CMC2: variants seen among roughly 807,000 people sequenced by gnomAD.
CMC2 encodes the protein COX assembly mitochondrial protein 2 homolog.
A neutral mutation model predicts 7.5 loss-of-function variants in CMC2; 5 were observed. That is an observed-to-expected ratio of 0.66 (90% CI 0.35 to 1.40). The LOEUF (loss-of-function observed/expected upper bound fraction) is 1.40. CMC2 is among the 40% of genes most tolerant of loss of function. The pLI is 0.04. For missense variants in CMC2, 115 were observed against 92.3 expected (o/e 1.25, Z -1.01); for synonymous variants, 37 against 31.4 (o/e 1.18, Z -0.60).
rs1180753097 is a variant in CMC2 at position 80,967,770 on chromosome 16, T to C, written c.*8323A>G. On this transcript the variant is annotated 3_prime_UTR_variant, in exon 4 of 4. Coordinates refer to ENST00000219400, the MANE Select transcript of CMC2 (RefSeq NM_020188.5). ...AAATAGCCAGGTCTAAATTTCTGTA[T>C]GCAGAATTGCAGAATGCTTTACTTT... is the stretch of plus-strand genomic sequence containing the variant. 2.0e-5 allele frequency: 3 copies of C among 152,360 alleles called. No homozygotes were observed. The highest frequency in any genetic ancestry group is 1.9e-4 in the East Asian group (1 of 5,190). The allele number at this position is 152,360 out of a possible 1,614,324, so 9.4% of individuals were successfully genotyped here.
At chr16:80,978,280 T>C (rs1228925066) in intron 3 of CMC2, 35 of 1,165,532 alleles carry the variant, frequency 3.0e-5, no homozygotes, top group Non-Finnish European at 3.8e-5. Context: ...AGCAATCAGG[T>C]TGAGAAGGGT....
At chr16:80,978,072 C>CAAAAAAAAAAA (rs57080796) in intron 3 of CMC2, among the ~76,000 whole-genome samples, 4 of 145,392 alleles carry the variant, frequency 2.8e-5, no homozygotes, top group East Asian at 2.1e-4. Flanking sequence ...GACTTCGTCT[C>CAAAAAAAAAAA]AAAAAAAAAG....
rs1567498813 is a variant in CMC2, at chr16:80,971,577, T to TATATAC, written c.*4515_*4516insGTATAT. On this transcript the variant is annotated 3_prime_UTR_variant, in exon 4 of 4. Transcript: ENST00000219400. Reference sequence around the variant, plus strand: ...CATACATACATTTTATATATATATATATATATATGTATGAAATCATGCATA... The same window carrying TATATAC: ...CATACATACATTTTATATATATATATATATACATATATATGTATGAAATCATGCATA... The TATATAC allele has an allele frequency of 1.4e-5, 2 of 140,502 alleles. No homozygotes were observed. Among genetic ancestry groups the TATATAC allele is most frequent in the African/African-American group, 5.6e-5 (2 of 35,662 alleles). 8.7% of individuals were successfully genotyped at this position (140,502 alleles called of 1,614,324 possible).
chr16:80,976,131 T>G lies in CMC2; in HGVS notation c.202A>C (p.Lys68Gln), dbSNP rs1418925050. The G allele has an allele frequency of 1.9e-6, 3 of 1,610,618 alleles. No individual in the cohort carries two copies. The highest frequency in any genetic ancestry group is 1.7e-6 in the Non-Finnish European group (2 of 1,177,142). ...KSREHGIAMR[K>Q]KLFNPPEESE... is the part of the protein sequence containing the mutation. ...TCCTCTGGAGGATTAAAAAGTTTCTTTCGCATTGCAATGCCATGCTCCCTG... is the reference window on the plus strand; with the variant it reads ...TCCTCTGGAGGATTAAAAAGTTTCTGTCGCATTGCAATGCCATGCTCCCTG... The change falls in exon 4 of 4, where the codon AAG (lysine) becomes CAG (glutamine). Residue 68 changes from lysine to glutamine, a missense_variant. By Grantham distance (53) the Lys-to-Gln change is moderately conservative. Transcript: ENST00000219400.
rs868475781 is a variant in CMC2, at chr16:80,977,402, T to G, written c.154-1223A>C. ...AATACATACACCAATCCAACACACT[T>G]TAAAGGTGGATGAGTGTGTTTTCCC... On this transcript the variant is annotated intron_variant, in intron 3 of 3. Coordinates refer to ENST00000219400, the MANE Select transcript of CMC2 (RefSeq NM_020188.5). 9.2e-5 allele frequency among the ~76,000 whole-genome samples: 14 copies of G among 152,204 alleles called. No homozygotes were observed. The South Asian group carries it at 2.5e-3, about 27-fold the overall frequency.
At chr16:80,998,499 C>A (rs1968605490) in intron 1 of CMC2, 1 of 152,122 alleles carries the variant, frequency 6.6e-6, no homozygotes, top group East Asian at 1.9e-4. Context: ...ATGAAATTAC[C>A]ATATGATCCA....
intron 3 of CMC2, chr16:80,980,980 G>A (rs866183923): frequency 2.2e-6 from 1 of 457,450 alleles, no homozygotes. Context: ...ACAATTTAAA[G>A]GGAATCCAGG....
Position 80,968,190 on chromosome 16 carries a change from TCA to T in CMC2, c.*7901_*7902del, listed in dbSNP as rs1248025628. 3 of 152,108 alleles carry T rather than the reference TCA, an allele frequency of 2.0e-5. No homozygotes were observed. The highest frequency in any genetic ancestry group is 7.2e-5 in the African/African-American group (3 of 41,408). 9.4% of individuals were successfully genotyped at this position (152,108 alleles called of 1,614,324 possible). A position where few individuals can be genotyped will look rare whatever the true frequency, so the allele number is the denominator to read the frequency against. Reference sequence around the variant, plus strand: ...GGGGATTTCATTAAAATGCAGATTCTCAGTTAGTAGGTCAGGGTGGGGTCTAA... The same window carrying T: ...GGGGATTTCATTAAAATGCAGATTCTGTTAGTAGGTCAGGGTGGGGTCTAA... On this transcript the variant is annotated 3_prime_UTR_variant, in exon 4 of 4. Transcript: ENST00000219400.
Position 80,975,465 on chromosome 16 carries a change from C to G in CMC2, c.*628G>C, listed in dbSNP as rs1333526640. 6.6e-6 allele frequency: 1 copy of G among 152,116 alleles called. No individual in the cohort carries two copies. The highest frequency in any genetic ancestry group is 1.5e-5 in the Non-Finnish European group (1 of 68,060). The allele number at this position is 152,116 out of a possible 1,614,324, so 9.4% of individuals were successfully genotyped here. On this transcript the variant is annotated 3_prime_UTR_variant, in exon 4 of 4. Transcript: ENST00000219400. ...TCTGTCTCTACCAAAAATACAAAAA[C>G]CAGCCAGGCATGGTAGCCTGCGCCT...
intron 1 of CMC2, among the ~76,000 whole-genome samples, chr16:81,005,648 AT>A (rs1159534437): frequency 2.0e-5 from 3 of 152,038 alleles, no homozygotes; most frequent in African/African-American, 7.2e-5. Flanking sequence ...TGTAGACCCC[AT>A]GCCAGGCTGC....
rs1179497981 is a variant in CMC2, at chr16:80,974,440, G to A, written c.*1653C>T. On this transcript the variant is annotated 3_prime_UTR_variant, in exon 4 of 4. Coordinates refer to ENST00000219400, the MANE Select transcript of CMC2 (RefSeq NM_020188.5). The stretch of plus-strand genomic sequence containing the variant: ...ATCACCATATTAAAACCTGCAACTG[G>A]TCATCACAGCACTGAAAATAAAATT... 6.6e-6 allele frequency: 1 copy of A among 152,066 alleles called. No homozygotes were observed. The highest frequency in any genetic ancestry group is 6.6e-5 in the Admixed American group (1 of 15,256). 9.4% of individuals were successfully genotyped at this position (152,066 alleles called of 1,614,324 possible). A position where few individuals can be genotyped will look rare whatever the true frequency, so the allele number is the denominator to read the frequency against.
chr16:80,980,081 GC>G (rs1368724149), intron 3 of CMC2, among the ~76,000 whole-genome samples: 3 of 152,020 alleles, frequency 2.0e-5, no homozygotes, highest in African/African-American at 7.2e-5. Flanking sequence ...ACCACACTTG[GC>G]TAAATTTTAA....
At chr16:80,996,503 T>C (rs2151644322) in intron 2 of CMC2, among the ~76,000 whole-genome samples, 1 of 152,326 alleles carries the variant, frequency 6.6e-6, no homozygotes, top group Middle Eastern at 3.4e-3. Flanking sequence ...GCCCAAAAAA[T>C]ATTGTCATCA....
chr16:80,996,162 T>C (rs1968398969), intron 2 of CMC2, among the ~76,000 whole-genome samples: 1 of 152,192 alleles, frequency 6.6e-6, no homozygotes, highest in Non-Finnish European at 1.5e-5. Flanking sequence ...ATAAATATGA[T>C]GCGATAATAT....
Position 81,003,341 on chromosome 16 carries a change from G to C in CMC2, c.-36+3393C>G, listed in dbSNP as rs146663852. Among the ~76,000 whole-genome samples the C allele has an allele frequency of 4.1e-3, 628 of 152,312 alleles. 5 individuals are homozygous for C. The highest frequency in any genetic ancestry group is 0.015 in the African/African-American group (608 of 41,570). ...TAAAATTTCTTCAAAGTCATAAGAA[G>C]ATATCAACGTTATTAGTTTAGAAAA... On this transcript the variant is annotated intron_variant, in intron 1 of 3. Transcript: ENST00000219400.
intron 3 of CMC2, among the ~76,000 whole-genome samples, chr16:80,980,035 C>A (rs1967000817): frequency 6.6e-6 from 1 of 152,208 alleles, no homozygotes; most frequent in African/African-American, 2.4e-5. Flanking sequence ...CCTCCCGCCT[C>A]AGCCTCCCAA....
rs755197835 is a variant in CMC2, at chr16:80,988,591, C to G, written c.82-6714G>C. On this transcript the variant is annotated intron_variant, in intron 2 of 3. Coordinates refer to ENST00000219400, the MANE Select transcript of CMC2 (RefSeq NM_020188.5). ...CCGAGTAAGTTGCAGATATGATGCA[C>G]GTTTCCTAAAAAAAACAAGGACTTA... The G allele has an allele frequency of 1.1e-5, 7 of 635,278 alleles. No individual in the cohort carries two copies. In the Middle Eastern group the frequency reaches 9.6e-4, roughly 87 times the overall value. The allele number at this position is 635,278 out of a possible 1,614,324, so 39.4% of individuals were successfully genotyped here. A position where few individuals can be genotyped will look rare whatever the true frequency, so the allele number is the denominator to read the frequency against.
At chr16:80,985,367 G>T (rs1235659298) in intron 2 of CMC2, among the ~76,000 whole-genome samples, 1 of 152,170 alleles carries the variant, frequency 6.6e-6, no homozygotes, top group Admixed American at 6.5e-5. Flanking sequence ...GCAGACATGA[G>T]AATTCAGGTA....
intron 2 of CMC2, chr16:80,988,685 C>T: frequency 1.6e-6 from 1 of 628,488 alleles, no homozygotes; most frequent in Non-Finnish European, 2.9e-6. Context: ...ATTTATAGAC[C>T]TTATTCAAAT....
Sources: allele counts gnomAD v4.1 joint callset (sites outside exome capture counted in the v4.1 genomes callset), GRCh38; gene constraint gnomAD v4.1.1; transcripts MANE v1.5; gene names NCBI Gene and HGNC (gene_info 2026-07-23, HGNC 2026-07-21).